Variants in CLVS1 observed in about 807,000 individuals in gnomAD.
CLVS1 encodes the protein clavesin-1.
CLVS1 carries 10 observed loss-of-function variants against 33.1 expected under a neutral mutation model. The observed-to-expected ratio is 0.30, with a 90% confidence interval of 0.19 to 0.51. The LOEUF is 0.51. Ranked by LOEUF, CLVS1 falls within the 20% of genes least tolerant of loss-of-function variation. The pLI is 0.97. For synonymous variants in CLVS1, 163 were observed against 166.1 expected (o/e 0.98, Z 0.14); for missense variants, 343 against 433.4 (o/e 0.79, Z 1.85).
At chr8:61,416,394 G>A (rs1585940737) in intron 3 of CLVS1, among the ~76,000 whole-genome samples, 1 of 151,884 alleles carries the variant, frequency 6.6e-6, no homozygotes, top group South Asian at 2.1e-4. Flanking sequence ...CAATAGGTGG[G>A]GAAAATAATG....
intron 4 of CLVS1, among the ~76,000 whole-genome samples, chr8:61,456,548 T>A (rs2129607106): frequency 6.6e-6 from 1 of 152,298 alleles, no homozygotes; most frequent in Admixed American, 6.5e-5. Flanking sequence ...TGTCATTACA[T>A]CATGAGTTAA....
rs564623320 is a variant in CLVS1, at chr8:61,199,610, T to G, written c.-152+67750T>G. Among the ~76,000 whole-genome samples, 5 of 152,348 alleles carry G rather than the reference T, an allele frequency of 3.3e-5. No individual in the cohort carries two copies. In the East Asian group the frequency reaches 9.6e-4, roughly 29 times the overall value. On this transcript the variant is annotated intron_variant, in intron 2 of 2. Transcript: ENST00000522621. ...CAAAAATCAGAAAACAATAGAGGTT[T>G]GTTTAAATGGATGTGGTAAAAAGGG...
chr8:61,387,269 C>A (rs1214936145), intron 3 of CLVS1, among the ~76,000 whole-genome samples: 1 of 152,162 alleles, frequency 6.6e-6, no homozygotes, highest in East Asian at 1.9e-4. Context: ...TGCTCGTAAT[C>A]CCAGCTACTC....
the CLVS1 span, chr8:60,966,535 A>T: frequency 2.8e-6 from 1 of 360,984 alleles, no homozygotes; most frequent in Admixed American, 3.6e-5. Context: ...ATGCCAGAGA[A>T]ACTCTTGCAC....
At chr8:61,129,222 A>G (rs1052428827) in intron 1 of CLVS1, among the ~76,000 whole-genome samples, 3 of 152,250 alleles carry the variant, frequency 2.0e-5, no homozygotes, top group Admixed American at 6.5e-5. Flanking sequence ...TTTAACAGTG[A>G]TTTATCACAT....
chr8:60,973,783 C>T, the CLVS1 span, among the ~76,000 whole-genome samples: 3 of 152,170 alleles, frequency 2.0e-5, no homozygotes. Context: ...CGAGCTCACT[C>T]GCCCAGCTCC....
At position 61,299,839 on chromosome 8, in the gene CLVS1, C is replaced by G. The variant is rs746514753; in HGVS notation, c.12C>G (p.Val4=). MGP[V]SLLPKYQKLN... ...AGACCATCAGGTGAATGGGACCAGT[C>G]TCTCTTCTTCCAAAATATCAGAAGT... Residue 4 remains valine, a synonymous_variant, in exon 2 of 6, where the codon GTC becomes GTG. Transcript: ENST00000325897. The G allele has an allele frequency of 5.0e-6, 8 of 1,609,628 alleles. 1 individual carries two copies. The South Asian group carries it at 7.7e-5, about 16-fold the overall frequency.
At chr8:61,147,149 A>G (rs964636411) in intron 2 of CLVS1, among the ~76,000 whole-genome samples, 2 of 152,200 alleles carry the variant, frequency 1.3e-5, no homozygotes, top group African/African-American at 4.8e-5. Context: ...CTGGGCATTG[A>G]AAGTCCTTGT....
chr8:61,490,299 G>A (rs1804024631), intron 5 of CLVS1, among the ~76,000 whole-genome samples: 1 of 150,822 alleles, frequency 6.6e-6, no homozygotes, highest in South Asian at 2.1e-4. Context: ...CTCCATCCTG[G>A]GCAACAAAAG....
At chr8:61,007,612 T>C in the CLVS1 span, among the ~76,000 whole-genome samples, 1 of 152,152 alleles carries the variant, frequency 6.6e-6, no homozygotes, top group Non-Finnish European at 1.5e-5. Context: ...CATGGAACTT[T>C]GAACTTGGTG....
At chr8:61,014,369 A>G in the CLVS1 span, among the ~76,000 whole-genome samples, 2 of 152,172 alleles carry the variant, frequency 1.3e-5, no homozygotes, top group African/African-American at 4.8e-5. Context: ...CGGAAGCCTG[A>G]GTTGATGGGT....
chr8:61,295,937 T>G (rs550674644), intron 1 of CLVS1, among the ~76,000 whole-genome samples: 1 of 152,308 alleles, frequency 6.6e-6, no homozygotes, highest in South Asian at 2.1e-4. Flanking sequence ...CTATTATTAT[T>G]AATATTGCCA....
At chr8:61,077,047 C>T (rs112380277) in intron 1 of CLVS1, among the ~76,000 whole-genome samples, 1,760 of 152,210 alleles carry the variant, frequency 0.012, 32 homozygotes, top group African/African-American at 0.041. Flanking sequence ...TGGGTCAGGA[C>T]TTAGCTTAGA....
At chr8:61,039,444 G>T in the CLVS1 span, among the ~76,000 whole-genome samples, 2 of 152,220 alleles carry the variant, frequency 1.3e-5, no homozygotes, top group Non-Finnish European at 2.9e-5. Context: ...CCTTCAGGTA[G>T]CATGGTGGTT....
chr8:61,191,110 G>C (rs998744334), intron 2 of CLVS1, among the ~76,000 whole-genome samples: 1 of 152,096 alleles, frequency 6.6e-6, no homozygotes, highest in Non-Finnish European at 1.5e-5. Context: ...GATGAACATC[G>C]ATGCAAAAAT....
At chr8:61,204,549 A>G (rs151094241) in intron 2 of CLVS1, among the ~76,000 whole-genome samples, 87 of 152,346 alleles carry the variant, frequency 5.7e-4, no homozygotes, top group African/African-American at 1.7e-3. Flanking sequence ...AAAATGTTAA[A>G]TGTAGGAAAA....
chr8:61,382,590 C>A (rs1025194629), intron 3 of CLVS1, among the ~76,000 whole-genome samples: 1 of 152,180 alleles, frequency 6.6e-6, no homozygotes, highest in Non-Finnish European at 1.5e-5. Flanking sequence ...AGAAGCCCTG[C>A]CCTAACACAT....
the CLVS1 span, among the ~76,000 whole-genome samples, chr8:60,995,437 A>G: frequency 6.6e-6 from 1 of 152,226 alleles, no homozygotes. Context: ...GCCATCAGAG[A>G]AATGCAAATC....
At chr8:61,237,946 G>A (rs7838580) in intron 2 of CLVS1, among the ~76,000 whole-genome samples, 97,420 of 151,742 alleles carry the variant, frequency 0.64, 34,138 homozygotes, top group East Asian at 0.96. Context: ...ACTGGGAGAG[G>A]GCAGAACTGT....
Sources: gnomAD v4.1 joint callset for allele counts (sites outside exome capture counted in the v4.1 genomes callset) on GRCh38, gnomAD v4.1.1 for gene constraint, MANE v1.5 for transcripts, NCBI Gene and HGNC (gene_info 2026-07-23, HGNC 2026-07-21) for gene names.